Variants in ADAMTS17 observed in about 807,000 individuals in gnomAD.
ADAMTS17 encodes the protein ADAM metallopeptidase with thrombospondin type 1 motif 17.
Under a neutral mutation model 141.5 loss-of-function variants are expected in ADAMTS17, and 113 were observed. The observed-to-expected ratio is 0.80, with a 90% CI of 0.69 to 0.93. The LOEUF is 0.93. Ranked by LOEUF, ADAMTS17 falls within the 40% of genes least tolerant of loss-of-function variation. The probability of loss-of-function intolerance (pLI) is 0.00; values close to 1 mark genes in which losing one functional copy is unlikely to be tolerated. For synonymous variants in ADAMTS17, 768 were observed against 630.6 expected (o/e 1.22, Z -3.27); for missense variants, 1,659 against 1,517.9 (o/e 1.09, Z -1.54).
intron 4 of ADAMTS17, among the ~76,000 whole-genome samples, chr15:100,266,405 G>T (rs1457822801): frequency 6.6e-6 from 1 of 152,208 alleles, no homozygotes; most frequent in Admixed American, 6.5e-5. Flanking sequence ...TACCTGCACA[G>T]GTGAGCGGTT....
intron 14 of ADAMTS17, among the ~76,000 whole-genome samples, chr15:100,097,845 T>C (rs1417988360): frequency 6.6e-6 from 1 of 152,228 alleles, no homozygotes; most frequent in Non-Finnish European, 1.5e-5. Context: ...TCTTCATATT[T>C]AGTAATCCTC....
At chr15:99,987,372 A>G (rs1410964550) in intron 20 of ADAMTS17, among the ~76,000 whole-genome samples, 2 of 152,210 alleles carry the variant, frequency 1.3e-5, no homozygotes, top group Non-Finnish European at 2.9e-5. Flanking sequence ...AAACTGGACA[A>G]CTGGTTACAT....
In ADAMTS17 at chr15:100,332,155, C is replaced by CA. The variant is rs1187049204; in HGVS notation, c.451-1102dup. Among the ~76,000 whole-genome samples the CA allele has an allele frequency of 3.9e-5, 6 of 152,188 alleles. No homozygotes were observed. The South Asian group carries it at 8.3e-4, about 21-fold the overall frequency. ...ATTAGAACTTTTGCCAAGAAAAACTCAAAGATTTTACTGCCCAAATAAAAC... is the reference window on the plus strand; with the variant it reads ...ATTAGAACTTTTGCCAAGAAAAACTCAAAAGATTTTACTGCCCAAATAAAAC... On this transcript the variant is annotated intron_variant, in intron 2 of 21. Transcript: ENST00000268070.
intron 10 of ADAMTS17, among the ~76,000 whole-genome samples, chr15:100,150,381 G>A (rs2141341692): frequency 6.6e-6 from 1 of 152,178 alleles, no homozygotes; most frequent in African/African-American, 2.4e-5. Flanking sequence ...GATACCCCTG[G>A]GCTCGCTTTC....
At chr15:100,088,571 A>G (rs1029639789) in intron 15 of ADAMTS17, among the ~76,000 whole-genome samples, 32 of 152,132 alleles carry the variant, frequency 2.1e-4, no homozygotes, top group Non-Finnish European at 3.1e-4. Flanking sequence ...GAGGCATCAC[A>G]CTACCTGACT....
intron 15 of ADAMTS17, among the ~76,000 whole-genome samples, chr15:100,074,517 C>T (rs2034228309): frequency 1.3e-5 from 2 of 151,952 alleles, no homozygotes. Flanking sequence ...GTTCTATTAA[C>T]AGTATAATTA....
At chr15:100,336,758 G>A (rs771974431) in intron 2 of ADAMTS17, among the ~76,000 whole-genome samples, 2 of 152,092 alleles carry the variant, frequency 1.3e-5, no homozygotes, top group Non-Finnish European at 2.9e-5. Flanking sequence ...TCAATCAATC[G>A]AAAGGGTTTG....
intron 7 of ADAMTS17, among the ~76,000 whole-genome samples, chr15:100,243,752 T>G (rs1036747120): frequency 6.9e-5 from 10 of 144,336 alleles, no homozygotes; most frequent in African/African-American, 2.3e-4. Flanking sequence ...ATCCTGCCAC[T>G]GCACTCCAGC....
At chr15:100,073,991 CAAGGTT>C in intron 15 of ADAMTS17, 1 of 152,212 alleles carries the variant, frequency 6.6e-6, no homozygotes, top group African/African-American at 2.4e-5. Context: ...GTCATATTTT[CAAGGTT>C]AATTCTCTTA....
chr15:99,972,080 T>G lies in ADAMTS17; in HGVS notation c.*2322A>C, dbSNP rs569071638. The G allele has an allele frequency of 6.6e-6, 1 of 152,252 alleles. No individual in the cohort carries two copies. The highest frequency in any genetic ancestry group is 1.9e-4 in the East Asian group (1 of 5,170). 9.4% of individuals were successfully genotyped at this position (152,252 alleles called of 1,614,324 possible). ...TCCTGGCTAACATGGTGAAACCCCG[T>G]CTCTAGTAAAAATACAAAAAAGTAG... On this transcript the variant is annotated 3_prime_UTR_variant, in exon 22 of 22. Coordinates refer to ENST00000268070, the MANE Select transcript of ADAMTS17 (RefSeq NM_139057.4).
intron 17 of ADAMTS17, 52 bp downstream of exon 17, chr15:100,051,520 C>T (rs1405999849): frequency 6.2e-7 from 1 of 1,611,458 alleles, no homozygotes; most frequent in Middle Eastern, 2.2e-4. Context: ...TGCCTTTCTC[C>T]TTCCTTCAGC....
chr15:100,254,164 T>A lies in ADAMTS17; in HGVS notation c.1047A>T (p.Val349=). The A allele has an allele frequency of 6.2e-7, 1 of 1,613,358 alleles. No homozygotes were observed. The highest frequency in any genetic ancestry group is 8.5e-7 in the Non-Finnish European group (1 of 1,179,318). ...AVFVTRTDFC[V]HKDEPCDTVG... is the part of the protein sequence containing the mutation. ...CAGTGTCACACGGTTCATCCTTGTG[T>A]ACACAGAAATCTGTCCTAAAAAATA... The change falls in exon 7 of 22, where the codon GTA becomes GTT. Residue 349 remains valine, a synonymous_variant. Transcript: ENST00000268070.
intron 18 of ADAMTS17, among the ~76,000 whole-genome samples, chr15:100,014,112 A>G (rs1172225611): frequency 6.6e-6 from 1 of 152,032 alleles, no homozygotes; most frequent in African/African-American, 2.4e-5. Flanking sequence ...TTTAAGCTAG[A>G]AGGGTTGTAT....
intron 8 of ADAMTS17, among the ~76,000 whole-genome samples, chr15:100,158,458 C>T (rs1470104830): frequency 6.6e-6 from 1 of 152,112 alleles, no homozygotes; most frequent in Non-Finnish European, 1.5e-5. Context: ...GTGGTAAAAA[C>T]ACTTCACATG....
intron 20 of ADAMTS17, among the ~76,000 whole-genome samples, chr15:99,987,816 AGGT>A (rs1156837181): frequency 6.6e-6 from 1 of 152,106 alleles, no homozygotes; most frequent in Non-Finnish European, 1.5e-5. Context: ...AGTGAGGGGC[AGGT>A]GGTGGTGGTG....
intron 3 of ADAMTS17, among the ~76,000 whole-genome samples, chr15:100,322,867 C>G (rs62038106): frequency 0.25 from 37,173 of 151,666 alleles, 5,191 homozygotes; most frequent in South Asian, 0.43. Flanking sequence ...GCAGACAGAT[C>G]ACGAGGTCAG....
intron 8 of ADAMTS17, among the ~76,000 whole-genome samples, chr15:100,193,614 G>A (rs978385916): frequency 2.0e-5 from 3 of 152,190 alleles, no homozygotes; most frequent in Non-Finnish European, 4.4e-5. Flanking sequence ...CTTCCTCCCC[G>A]AGAGTGAGCG....
At chr15:100,267,755 ATAG>A (rs1320524706) in intron 4 of ADAMTS17, among the ~76,000 whole-genome samples, 3 of 152,142 alleles carry the variant, frequency 2.0e-5, no homozygotes, top group African/African-American at 4.8e-5. Context: ...TTGTGGGTTC[ATAG>A]TAGGTGTATA....
At chr15:100,209,797 G>A (rs1032137222) in intron 7 of ADAMTS17, among the ~76,000 whole-genome samples, 1 of 152,112 alleles carries the variant, frequency 6.6e-6, no homozygotes, top group Non-Finnish European at 1.5e-5. Flanking sequence ...CCATCTTCAG[G>A]GTGAAGGTAT....
Sources: gnomAD v4.1 joint callset for allele counts (sites outside exome capture counted in the v4.1 genomes callset) on GRCh38, gnomAD v4.1.1 for gene constraint, MANE v1.5 for transcripts, NCBI Gene and HGNC (gene_info 2026-07-23, HGNC 2026-07-21) for gene names.